Variants in NAB1 observed in about 807,000 individuals in gnomAD.
NAB1 encodes the protein NGFI-A-binding protein 1.
Under a neutral mutation model 49.9 loss-of-function variants are expected in NAB1, and 25 were observed. That is an observed-to-expected ratio of 0.50 (90% confidence interval 0.37 to 0.70). NAB1 has a LOEUF of 0.70. NAB1 is among the 30% of genes least tolerant of loss of function. The pLI is 0.00. For missense variants in NAB1, 489 were observed against 575.9 expected, an observed-to-expected ratio of 0.85 and a Z score of 1.54; for synonymous variants, 198 against 215.6, an observed-to-expected ratio of 0.92 and a Z score of 0.71.
rs1473983528 is a variant in NAB1 at position 190,666,813 on chromosome 2, A to G, written c.820-3513A>G. ...GGAAATAAGTAAACCAGTAAGGGAG[A>G]ATATCTTGTTACTTTATCCTTTTAA... On this transcript the variant is annotated intron_variant, in intron 4 of 9. Coordinates refer to ENST00000337386, the MANE Select transcript of NAB1 (RefSeq NM_005966.4). The surrounding 1 kb of genome is among the most constrained non-coding windows in gnomAD (Gnocchi z 5.6). Among the ~76,000 whole-genome samples the G allele has an allele frequency of 2.0e-5, 3 of 152,226 alleles. No individual in the cohort carries two copies. The highest frequency in any genetic ancestry group is 4.4e-5 in the Non-Finnish European group (3 of 68,034).
Position 190,687,291 on chromosome 2 carries a change from C to T in NAB1, c.1349C>T (p.Pro450Leu). Residue 450 changes from proline (P) to leucine (L), a missense_variant, in exon 9 of 10, where the codon CCC becomes CTC. This residue lies in a region of NAB1 where 212 missense variants were observed against 199.3 expected (regional missense o/e 1.06). Coordinates refer to ENST00000337386, the MANE Select transcript of NAB1 (RefSeq NM_005966.4). ...GATGGGGAGCTGAGCAGACTTTACC[C>T]CAGTGAGGCAAAGTCCCACTCATCA... ...VVDGELSRLY[P>L]SEAKSHSSES... 1.3e-6 allele frequency: 2 copies of T among 1,595,524 alleles called. No homozygotes were observed. The highest frequency in any genetic ancestry group is 1.8e-5 in the Admixed American group (1 of 55,506).
At position 190,684,888 on chromosome 2, in the gene NAB1, T is replaced by G. The variant is rs1695528445; in HGVS notation, c.1096-588T>G. The stretch of plus-strand genomic sequence containing the variant: ...TATTTAAAATATGCCTTTTTATGAT[T>G]GGTTGGGAAATACTGCAGTTTCATT... On this transcript the variant is annotated intron_variant, in intron 7 of 9. Coordinates refer to ENST00000337386, the MANE Select transcript of NAB1 (RefSeq NM_005966.4). This position sits in a 1 kb window ranked among gnomAD's most constrained non-coding sequence, Gnocchi z 4.6. Among the ~76,000 whole-genome samples, 1 of 152,238 alleles carries G rather than the reference T, an allele frequency of 6.6e-6. No homozygotes were observed. The highest frequency in any genetic ancestry group is 1.5e-5 in the Non-Finnish European group (1 of 68,036).
Position 190,685,579 on chromosome 2 carries a change from G to C in NAB1, c.1199G>C (p.Arg400Thr), listed in dbSNP as rs771638155. The change falls in exon 8 of 10, where the codon AGG (arginine) becomes ACG (threonine). Residue 400 changes from arginine (R) to threonine (T), a missense_variant. Around this residue, in one of 4 missense-constraint regions of NAB1, gnomAD observed 212 missense variants for 199.3 expected, o/e 1.06. Transcript: ENST00000337386. This position sits in a 1 kb window ranked among gnomAD's most constrained non-coding sequence, Gnocchi z 4.5. ...AGGAGGTTGTCTGCAGGGCTTTACAGGCAGAGCTCAGAAGAGCACAGTCCT... is the reference window on the plus strand; with the variant it reads ...AGGAGGTTGTCTGCAGGGCTTTACACGCAGAGCTCAGAAGAGCACAGTCCT... ...AERRLSAGLY[R>T]QSSEEHSPNG... is the part of the protein sequence containing the mutation. 3 of 1,613,992 alleles carry C rather than the reference G, an allele frequency of 1.9e-6. No individual in the cohort carries two copies. In the East Asian group the frequency reaches 6.7e-5, roughly 36 times the overall value.
rs1246390750 is a variant in NAB1 at position 190,657,313 on chromosome 2, T to C, written c.-20+1160T>C. On this transcript the variant is annotated intron_variant, in intron 3 of 9. Coordinates refer to ENST00000337386, the MANE Select transcript of NAB1 (RefSeq NM_005966.4). The surrounding 1 kb of genome is among the most constrained non-coding windows in gnomAD (Gnocchi z 4.4). ...TTTAGAAGATGCAAGAACGTTTTTA[T>C]CCAGAGGACTGAGGTGGCATGAATG... Among the ~76,000 whole-genome samples the C allele has an allele frequency of 1.3e-5, 2 of 152,140 alleles. No individual in the cohort carries two copies. The highest frequency in any genetic ancestry group is 2.9e-5 in the Non-Finnish European group (2 of 68,036).
intron 4 of NAB1, among the ~76,000 whole-genome samples, chr2:190,662,401 T>TA (rs1255342488): frequency 4.7e-5 from 7 of 149,290 alleles, no homozygotes; most frequent in Admixed American, 1.4e-4. Context: ...TTTTTTTTTT[T>TA]AAGCTAAAGA....
In NAB1 at chr2:190,690,303, C is replaced by A; in HGVS notation, c.1434C>A (p.Val478=). The A allele has an allele frequency of 1.2e-6, 2 of 1,612,392 alleles. No individual in the cohort carries two copies. Among genetic ancestry groups the A allele is most frequent in the South Asian group, 1.1e-5 (1 of 91,014 alleles). The change falls in exon 10 of 10, where the codon GTC becomes GTA. Residue 478 remains valine (V), a synonymous_variant. Coordinates refer to ENST00000337386, the MANE Select transcript of NAB1 (RefSeq NM_005966.4). ...PHSAFTLEKK[V]IKTEPEDSR ...CAGCTTTTACCTTAGAAAAGAAAGT[C>A]ATCAAAACAGAGCCTGAAGATTCAA...
rs1695889958 is a variant in NAB1, at chr2:190,690,271, C to G, written c.1402C>G (p.Pro468Ala). 2.5e-6 allele frequency: 4 copies of G among 1,612,090 alleles called. No individual in the cohort carries two copies. In the African/African-American group the frequency reaches 4.0e-5, roughly 16 times the overall value. ...GAGCCTTGGGATTTTAAAAGACTAC[C>G]CTCATTCAGCTTTTACCTTAGAAAA... ...SESLGILKDYPHSAFTLEKKV... is the reference protein window; with the variant it reads ...SESLGILKDYAHSAFTLEKKV... Residue 468 changes from proline to alanine, a missense_variant, in exon 10 of 10, where the codon CCT (proline) becomes GCT (alanine). Pro to Ala is a conservative substitution (Grantham distance 27). This residue lies in a region of NAB1 where 212 missense variants were observed against 199.3 expected (regional missense o/e 1.06). Coordinates refer to ENST00000337386, the MANE Select transcript of NAB1 (RefSeq NM_005966.4).
rs1419704762 is a variant in NAB1, at chr2:190,666,922, G to A, written c.820-3404G>A. Among the ~76,000 whole-genome samples the A allele has an allele frequency of 2.0e-5, 3 of 152,116 alleles. No homozygotes were observed. Among genetic ancestry groups the A allele is most frequent in the African/African-American group, 7.2e-5 (3 of 41,426 alleles). ...TATTTTCATATTTTCCCAACTGCTTGGGAATATTTTCATTTTTCTTTTGTA... is the reference window on the plus strand; with the variant it reads ...TATTTTCATATTTTCCCAACTGCTTAGGAATATTTTCATTTTTCTTTTGTA... On this transcript the variant is annotated intron_variant, in intron 4 of 9. Coordinates refer to ENST00000337386, the MANE Select transcript of NAB1 (RefSeq NM_005966.4). This position sits in a 1 kb window ranked among gnomAD's most constrained non-coding sequence, Gnocchi z 5.6.
In NAB1 at chr2:190,670,548, C is replaced by A; in HGVS notation, c.953+89C>A. 7.3e-7 allele frequency: 1 copy of A among 1,364,164 alleles called. No individual in the cohort carries two copies. The highest frequency in any genetic ancestry group is 1.0e-6 in the Non-Finnish European group (1 of 992,362). The allele number at this position is 1,364,164 out of a possible 1,614,324, so 84.5% of individuals were successfully genotyped here. On this transcript the variant is annotated intron_variant, in intron 5 of 9. Transcript: ENST00000337386. This position sits in a 1 kb window ranked among gnomAD's most constrained non-coding sequence, Gnocchi z 5.3. ...ATCTATTGATAGAATATAAGCATTT[C>A]TGAAAAAGTGGAAGTATGATTATTG... is the stretch of plus-strand genomic sequence containing the variant.
rs747003727 is a variant in NAB1 at position 190,679,510 on chromosome 2, C to T, written c.1006-4228C>T. Among the ~76,000 whole-genome samples the T allele has an allele frequency of 1.2e-4, 19 of 152,302 alleles. No homozygotes were observed. Among genetic ancestry groups the T allele is most frequent in the South Asian group, 2.1e-4 (1 of 4,828 alleles). On this transcript the variant is annotated intron_variant, in intron 6 of 9. Coordinates refer to ENST00000337386, the MANE Select transcript of NAB1 (RefSeq NM_005966.4). This position sits in a 1 kb window ranked among gnomAD's most constrained non-coding sequence, Gnocchi z 5.3. Reference sequence around the variant, plus strand: ...TAGAGTTTGAGGTTCCCCCATCCAGCTTTTTCAGTATTCTCATGGTTGAAT... The same window carrying T: ...TAGAGTTTGAGGTTCCCCCATCCAGTTTTTTCAGTATTCTCATGGTTGAAT...
rs1378795091 is a variant in NAB1 at position 190,679,192 on chromosome 2, A to C, written c.1006-4546A>C. Reference sequence around the variant, plus strand: ...GAGACATAACGAAATTGTGCACCACACATAATGTGAAAGAGACCAGTTTCT... The same window carrying C: ...GAGACATAACGAAATTGTGCACCACCCATAATGTGAAAGAGACCAGTTTCT... On this transcript the variant is annotated intron_variant, in intron 6 of 9. Transcript: ENST00000337386. The surrounding 1 kb of genome is among the most constrained non-coding windows in gnomAD (Gnocchi z 5.3). Among the ~76,000 whole-genome samples the C allele has an allele frequency of 6.6e-6, 1 of 152,256 alleles. No homozygotes were observed. Among genetic ancestry groups the C allele is most frequent in the Non-Finnish European group, 1.5e-5 (1 of 68,052 alleles).
At position 190,685,777 on chromosome 2, in the gene NAB1, ATTC is replaced by A; in HGVS notation, c.1258+143_1258+145del. On this transcript the variant is annotated intron_variant, in intron 8 of 9. Coordinates refer to ENST00000337386, the MANE Select transcript of NAB1 (RefSeq NM_005966.4). The surrounding 1 kb of genome is among the most constrained non-coding windows in gnomAD (Gnocchi z 4.5). ...TTCTCTTATCAAAATTATTTTTTGA[ATTC>A]TTCATTTTTCTAAAAAGATAATTTA... 2 of 751,602 alleles carry A rather than the reference ATTC, an allele frequency of 2.7e-6. No individual in the cohort carries two copies. The highest frequency in any genetic ancestry group is 1.9e-6 in the Non-Finnish European group (1 of 529,166). 46.6% of individuals were successfully genotyped at this position (751,602 alleles called of 1,614,324 possible). A position where few individuals can be genotyped will look rare whatever the true frequency, so the allele number is the denominator to read the frequency against.
At chr2:190,687,395 C>CA (rs60742412) in intron 9 of NAB1, 78 bp downstream of exon 9, 4,251 of 161,402 alleles carry the variant, frequency 0.026, 57 homozygotes, top group Non-Finnish European at 0.033. Context: ...CCTCCCCCAT[C>CA]AAAAAAAAAA....
Position 190,659,129 on chromosome 2 carries a change from G to A in NAB1, c.-19-29G>A. 1.4e-6 allele frequency: 2 copies of A among 1,392,814 alleles called. No individual in the cohort carries two copies. Among genetic ancestry groups the A allele is most frequent in the Non-Finnish European group, 2.0e-6 (2 of 1,020,086 alleles). The allele number at this position is 1,392,814 out of a possible 1,614,324, so 86.3% of individuals were successfully genotyped here. A position where few individuals can be genotyped will look rare whatever the true frequency, so the allele number is the denominator to read the frequency against. On this transcript the variant is annotated intron_variant, in intron 3 of 9. Coordinates refer to ENST00000337386, the MANE Select transcript of NAB1 (RefSeq NM_005966.4). This position sits in a 1 kb window ranked among gnomAD's most constrained non-coding sequence, Gnocchi z 6.2. The stretch of plus-strand genomic sequence containing the variant: ...AAGGAGTTTGAAGCAAGTATGATGA[G>A]TTTTTACTTTTTTTTTTTTTTTTGG...
Position 190,667,428 on chromosome 2 carries a change from A to G in NAB1, c.820-2898A>G, listed in dbSNP as rs1172613324. Among the ~76,000 whole-genome samples, 1 of 152,230 alleles carries G rather than the reference A, an allele frequency of 6.6e-6. No individual in the cohort carries two copies. Among genetic ancestry groups the G allele is most frequent in the African/African-American group, 2.4e-5 (1 of 41,470 alleles). ...GAATCCTCTTCAAGGTCATTTAGCTACTGCCATGCTGAAACTGATTTATTT... is the reference window on the plus strand; with the variant it reads ...GAATCCTCTTCAAGGTCATTTAGCTGCTGCCATGCTGAAACTGATTTATTT... On this transcript the variant is annotated intron_variant, in intron 4 of 9. Transcript: ENST00000337386. The surrounding 1 kb of genome is among the most constrained non-coding windows in gnomAD (Gnocchi z 4.4).
intron 5 of NAB1, among the ~76,000 whole-genome samples, chr2:190,671,024 T>C (rs1694777756): frequency 6.6e-6 from 1 of 152,168 alleles, no homozygotes; most frequent in Non-Finnish European, 1.5e-5. Context: ...CACAGCATAT[T>C]TTTCTTCACC....
At chr2:190,664,152 G>A (rs1013395077) in intron 4 of NAB1, among the ~76,000 whole-genome samples, 2 of 152,062 alleles carry the variant, frequency 1.3e-5, no homozygotes, top group African/African-American at 2.4e-5. Flanking sequence ...CTATTATTTT[G>A]TCTGCTTGCT....
At position 190,670,115 on chromosome 2, in the gene NAB1, T is replaced by G. The variant is rs935558903; in HGVS notation, c.820-211T>G. 1.6e-4 allele frequency among the ~76,000 whole-genome samples: 24 copies of G among 152,184 alleles called. No homozygotes were observed. The highest frequency in any genetic ancestry group is 4.6e-4 in the Admixed American group (7 of 15,278). On this transcript the variant is annotated intron_variant, in intron 4 of 9. Transcript: ENST00000337386. The surrounding 1 kb of genome is among the most constrained non-coding windows in gnomAD (Gnocchi z 5.3). ...ATAAATAAAATCAAGATGACTATTA[T>G]GATTAATTTGGGCTCTGTGAGATGG...
chr2:190,687,395 CAAAA>C (rs60742412), intron 9 of NAB1, 78 bp downstream of exon 9: 9,869 of 160,296 alleles, frequency 0.062, 31 homozygotes, highest in East Asian at 0.12. Flanking sequence ...CCTCCCCCAT[CAAAA>C]AAAAAAAAAA....
Sources: gnomAD v4.1 joint callset for allele counts (sites outside exome capture counted in the v4.1 genomes callset) on GRCh38, gnomAD v4.1.1 for gene constraint, gnomAD v4.1.1 regional missense constraint, Gnocchi (gnomAD v3.1) non-coding constraint, MANE v1.5 for transcripts, NCBI Gene and HGNC (gene_info 2026-07-23, HGNC 2026-07-21) for gene names.